ARHGAP18: variants seen among roughly 807,000 people sequenced by gnomAD.
ARHGAP18 encodes Rho GTPase activating protein 18.
ARHGAP18 carries 67 observed loss-of-function variants against 86.2 expected under a neutral mutation model. The observed-to-expected ratio is 0.78, with a 90% confidence interval of 0.64 to 0.95. ARHGAP18 has a LOEUF of 0.95. ARHGAP18 is among the 40% of genes least tolerant of loss of function. ARHGAP18 has a pLI of 0.00. For synonymous variants in ARHGAP18, 283 were observed against 280.4 expected (o/e 1.01, Z -0.09); for missense variants, 691 against 780.4 (o/e 0.89, Z 1.37).
At chr6:129,584,445 G>T (rs149871354) in intron 12 of ARHGAP18, among the ~76,000 whole-genome samples, 10 of 152,302 alleles carry the variant, frequency 6.6e-5, no homozygotes, top group South Asian at 2.1e-4. Flanking sequence ...TTATGAAATT[G>T]AATCAGAAAG....
chr6:129,600,437 G>A lies in ARHGAP18; in HGVS notation c.1572+205C>T, dbSNP rs1320279153. ...ACACTGAGAAATGGGAAAATAGGCAGAAGTAAATAAAAAGTACTTCTTACA... is the reference window on the plus strand; with the variant it reads ...ACACTGAGAAATGGGAAAATAGGCAAAAGTAAATAAAAAGTACTTCTTACA... On this transcript the variant is annotated intron_variant, in intron 11 of 14. Transcript: ENST00000368149. Among the ~76,000 whole-genome samples the A allele has an allele frequency of 3.3e-5, 5 of 152,240 alleles. No homozygotes were observed. In the East Asian group the frequency reaches 7.7e-4, roughly 23 times the overall value.
chr6:129,602,505 T>C (rs200807580), intron 10 of ARHGAP18, among the ~76,000 whole-genome samples: 1 of 150,176 alleles, frequency 6.7e-6, no homozygotes, highest in African/African-American at 2.4e-5. Context: ...GAAAAAAAAA[T>C]TCCTGTAAGT....
In ARHGAP18 at chr6:129,641,886, T is replaced by C; in HGVS notation, c.246A>G (p.Leu82=). ...TTTCACTAGATTTCTTGATGTTTTCTAGTTCTATCCAATAGTCTTCCATAG... is the reference window on the plus strand; with the variant it reads ...TTTCACTAGATTTCTTGATGTTTTCCAGTTCTATCCAATAGTCTTCCATAG... The part of the protein sequence containing the change: ...ELSMEDYWIE[L]ENIKKSSENS... Residue 82 remains leucine, a synonymous_variant, in exon 2 of 15, where the codon CTA becomes CTG. Coordinates refer to ENST00000368149, the MANE Select transcript of ARHGAP18 (RefSeq NM_033515.3). 1 of 1,614,058 alleles carries C rather than the reference T, an allele frequency of 6.2e-7. No individual in the cohort carries two copies. Among genetic ancestry groups the C allele is most frequent in the Admixed American group, 1.7e-5 (1 of 60,026 alleles).
intron 12 of ARHGAP18, among the ~76,000 whole-genome samples, chr6:129,586,820 C>G (rs1281530765): frequency 3.3e-5 from 5 of 152,174 alleles, no homozygotes; most frequent in African/African-American, 1.2e-4. Flanking sequence ...AAAGGCCCAG[C>G]AGCACTCCAA....
At chr6:129,697,952 G>A (rs375208384) in intron 1 of ARHGAP18, among the ~76,000 whole-genome samples, 13 of 152,142 alleles carry the variant, frequency 8.5e-5, no homozygotes, top group African/African-American at 2.7e-4. Context: ...TACGTTGATC[G>A]AGTTACATGT....
At chr6:129,588,695 C>T (rs1257348796) in intron 12 of ARHGAP18, among the ~76,000 whole-genome samples, 2 of 152,220 alleles carry the variant, frequency 1.3e-5, no homozygotes, top group African/African-American at 4.8e-5. Flanking sequence ...AGTGGGGACT[C>T]TGTGTGGGGG....
At chr6:129,606,037 A>G in intron 9 of ARHGAP18, 78 bp from the exon 10 acceptor site, 2 of 1,403,190 alleles carry the variant, frequency 1.4e-6, no homozygotes, top group South Asian at 1.2e-5. Flanking sequence ...ACTTTTTAAG[A>G]AAAAAGTTAT....
At chr6:129,636,948 A>T (rs1220930977) in intron 3 of ARHGAP18, among the ~76,000 whole-genome samples, 1 of 152,188 alleles carries the variant, frequency 6.6e-6, no homozygotes, top group Non-Finnish European at 1.5e-5. Context: ...AGGATCATTT[A>T]TATTCTCTGT....
chr6:129,708,624 C>A (rs1333803316), intron 1 of ARHGAP18, among the ~76,000 whole-genome samples: 1 of 152,140 alleles, frequency 6.6e-6, no homozygotes, highest in Non-Finnish European at 1.5e-5. Context: ...AATCAAGATC[C>A]AAGATTCAGC....
chr6:129,662,303 C>T (rs1773969495), intron 1 of ARHGAP18, among the ~76,000 whole-genome samples: 1 of 152,238 alleles, frequency 6.6e-6, no homozygotes, highest in Non-Finnish European at 1.5e-5. Flanking sequence ...TGACAGCAAC[C>T]CAGTGTGAAG....
chr6:129,654,482 A>G (rs1773786385), intron 1 of ARHGAP18, among the ~76,000 whole-genome samples: 1 of 152,190 alleles, frequency 6.6e-6, no homozygotes, highest in Non-Finnish European at 1.5e-5. Flanking sequence ...ACACTAGCCT[A>G]CTGCTTACCT....
chr6:129,629,520 C>T lies in ARHGAP18; in HGVS notation c.619G>A (p.Glu207Lys), dbSNP rs564963735. 1.4e-5 allele frequency: 23 copies of T among 1,607,694 alleles called. No homozygotes were observed. Among genetic ancestry groups the T allele is most frequent in the South Asian group, 6.7e-5 (6 of 89,648 alleles). The change falls in exon 5 of 15, where the codon GAG becomes AAG. Residue 207 changes from glutamate to lysine, a missense_variant and splice_region_variant. Coordinates refer to ENST00000368149, the MANE Select transcript of ARHGAP18 (RefSeq NM_033515.3). ...TCTTCACCAACAAGGTTAGATGCCT[C>T]GTCTAGGGGCCCGGGGGGAAAGAAC... Reference protein sequence around the residue: ...NENKYQGRDDEASNLVGEEKL... With the variant: ...NENKYQGRDDKASNLVGEEKL...
At chr6:129,592,543 C>T (rs185947234) in intron 12 of ARHGAP18, among the ~76,000 whole-genome samples, 31 of 152,308 alleles carry the variant, frequency 2.0e-4, no homozygotes, top group African/African-American at 7.0e-4. Context: ...GTGATACTAG[C>T]ATGTCCCAAG....
At chr6:129,594,276 AC>A (rs1788573342) in intron 12 of ARHGAP18, among the ~76,000 whole-genome samples, 1 of 152,136 alleles carries the variant, frequency 6.6e-6, no homozygotes, top group Middle Eastern at 3.2e-3. Flanking sequence ...TGTTAACCTT[AC>A]TCAGTCTCTC....
At position 129,641,654 on chromosome 6, in the gene ARHGAP18, C is replaced by T. The variant is rs151126622; in HGVS notation, c.316+162G>A. ...TTATGCCACTTGTATCTGGCAGTTGCATCCATAAATCTGCCTCAAACAAGT... is the reference window on the plus strand; with the variant it reads ...TTATGCCACTTGTATCTGGCAGTTGTATCCATAAATCTGCCTCAAACAAGT... On this transcript the variant is annotated intron_variant, in intron 2 of 14. Coordinates refer to ENST00000368149, the MANE Select transcript of ARHGAP18 (RefSeq NM_033515.3). Among the ~76,000 whole-genome samples, 44 of 152,312 alleles carry T rather than the reference C, an allele frequency of 2.9e-4. No homozygotes were observed. In the East Asian group the frequency reaches 8.5e-3, roughly 29 times the overall value.
In ARHGAP18 at chr6:129,703,581, T is replaced by C. The variant is rs139480843; in HGVS notation, c.113+6443A>G. Among the ~76,000 whole-genome samples the C allele has an allele frequency of 1.6e-3, 242 of 152,340 alleles. 2 individuals are homozygous for C. Among genetic ancestry groups the C allele is most frequent in the African/African-American group, 5.5e-3 (230 of 41,578 alleles). On this transcript the variant is annotated intron_variant, in intron 1 of 14. Coordinates refer to ENST00000368149, the MANE Select transcript of ARHGAP18 (RefSeq NM_033515.3). Reference sequence around the variant, plus strand: ...AACTTAATTAAAAGTTCTATGAAGATAATATAACTTTAATAGGCCCACAAA... The same window carrying C: ...AACTTAATTAAAAGTTCTATGAAGACAATATAACTTTAATAGGCCCACAAA...
chr6:129,629,273 G>C (rs942725508), intron 5 of ARHGAP18, 80 bp downstream of exon 5: 1 of 1,155,774 alleles, frequency 8.7e-7, no homozygotes, highest in Non-Finnish European at 1.2e-6. Flanking sequence ...GTGTGTGTGC[G>C]TGTGTGTGTA....
At chr6:129,648,357 T>A (rs1773626510) in intron 1 of ARHGAP18, among the ~76,000 whole-genome samples, 1 of 151,752 alleles carries the variant, frequency 6.6e-6, no homozygotes, top group Admixed American at 6.6e-5. Context: ...AGAGACAGAG[T>A]CTCCTTGTAT....
At chr6:129,678,552 A>T (rs1055914609) in intron 1 of ARHGAP18, among the ~76,000 whole-genome samples, 1 of 152,246 alleles carries the variant, frequency 6.6e-6, no homozygotes. Flanking sequence ...TGGCCTTCAT[A>T]TTAGACCATA....
Sources: allele counts gnomAD v4.1 joint callset (sites outside exome capture counted in the v4.1 genomes callset), GRCh38; gene constraint gnomAD v4.1.1; transcripts MANE v1.5; gene names NCBI Gene and HGNC (gene_info 2026-07-23, HGNC 2026-07-21).